The following MTHFD1L variants were observed in gnomAD, a reference collection of about 807,000 sequenced individuals.
The protein encoded by MTHFD1L is methylenetetrahydrofolate dehydrogenase (NADP+ dependent) 1 like, also known as monofunctional C1-tetrahydrofolate synthase, mitochondrial.
In MTHFD1L, 81 loss-of-function variants were observed where a neutral mutation model predicts 119.5. That is an observed-to-expected ratio of 0.68 (90% CI 0.57 to 0.82). The LOEUF (loss-of-function observed/expected upper bound fraction) is 0.82. MTHFD1L is among the 40% of genes least tolerant of loss of function. The probability of loss-of-function intolerance (pLI) is 0.00; values close to 1 mark genes in which losing one functional copy is unlikely to be tolerated. For missense variants in MTHFD1L, 1,125 were observed against 1,253.4 expected (o/e 0.90, Z 1.55); for synonymous variants, 430 against 475.2 (o/e 0.90, Z 1.24).
At position 150,975,968 on chromosome 6, in the gene MTHFD1L, C is replaced by T. The variant is rs575397229; in HGVS notation, c.2125+3910C>T. On this transcript the variant is annotated intron_variant, in intron 20 of 27. Coordinates refer to ENST00000367321, the MANE Select transcript of MTHFD1L (RefSeq NM_015440.5). ...TAAGGGGGAAGCGGGGACGCCAAGG[C>T]GGGTGGATCACCTGAGGTCAGGTGT... Among the ~76,000 whole-genome samples the T allele has an allele frequency of 3.3e-5, 5 of 152,236 alleles. No homozygotes were observed. The South Asian group carries it at 6.2e-4, about 19-fold the overall frequency.
chr6:151,067,648 G>C (rs529967608), intron 26 of MTHFD1L, among the ~76,000 whole-genome samples: 1 of 152,210 alleles, frequency 6.6e-6, no homozygotes, highest in Non-Finnish European at 1.5e-5. Flanking sequence ...ATCACAATTT[G>C]TGTTACGTTC....
chr6:150,901,073 T>C (rs1293026170), intron 7 of MTHFD1L, among the ~76,000 whole-genome samples: 1 of 151,864 alleles, frequency 6.6e-6, no homozygotes, highest in Admixed American at 6.6e-5. Context: ...AGAAAAGTGA[T>C]GTTTTTCTTA....
intron 26 of MTHFD1L, among the ~76,000 whole-genome samples, chr6:151,081,201 AG>A (rs998728213): frequency 6.6e-6 from 1 of 152,216 alleles, no homozygotes; most frequent in African/African-American, 2.4e-5. Context: ...ATTACGTCAC[AG>A]GGTAGTCCTG....
At chr6:151,055,029 G>A (rs1789660477) in intron 26 of MTHFD1L, 1 of 152,170 alleles carries the variant, frequency 6.6e-6, no homozygotes, top group Non-Finnish European at 1.5e-5. Context: ...ACTTTGAGAG[G>A]CTGAGGCAGG....
chr6:151,024,347 C>A (rs1056173721), intron 24 of MTHFD1L, among the ~76,000 whole-genome samples: 1 of 152,054 alleles, frequency 6.6e-6, no homozygotes, highest in Non-Finnish European at 1.5e-5. Context: ...CAAGACTAAC[C>A]TGGGTGACAT....
chr6:151,090,977 C>A (rs1399335805), intron 26 of MTHFD1L, among the ~76,000 whole-genome samples: 1 of 101,108 alleles, frequency 9.9e-6, no homozygotes, highest in East Asian at 3.8e-4. Context: ...TCGCCCCATG[C>A]GACTGGGTGC....
intron 24 of MTHFD1L, among the ~76,000 whole-genome samples, chr6:151,019,129 G>A (rs1783572184): frequency 6.6e-6 from 1 of 151,260 alleles, no homozygotes; most frequent in Admixed American, 6.6e-5. Context: ...GGCTTGCCAG[G>A]GTACCTACAA....
intron 27 of MTHFD1L, chr6:151,099,595 C>T: frequency 1.2e-6 from 2 of 1,609,736 alleles, no homozygotes; most frequent in Non-Finnish European, 8.5e-7. Context: ...CATCCGGCAC[C>T]AGTCAGACCA....
At chr6:151,090,913 A>T (rs35458044) in intron 26 of MTHFD1L, among the ~76,000 whole-genome samples, 1 of 110,586 alleles carries the variant, frequency 9.0e-6, no homozygotes, top group Non-Finnish European at 2.0e-5. Context: ...GACTGGGTGC[A>T]GCATCGTTCC....
intron 20 of MTHFD1L, among the ~76,000 whole-genome samples, chr6:150,983,825 A>G (rs554089597): frequency 2.0e-5 from 3 of 152,146 alleles, no homozygotes; most frequent in East Asian, 1.9e-4. Context: ...GTCTCGTTCT[A>G]TCCCCCAGGC....
At chr6:150,953,475 A>T (rs1158801646) in intron 16 of MTHFD1L, among the ~76,000 whole-genome samples, 2 of 152,238 alleles carry the variant, frequency 1.3e-5, no homozygotes, top group African/African-American at 4.8e-5. Context: ...ACTAGGCACA[A>T]GTAGCCCCTC....
chr6:151,015,107 T>C, intron 23 of MTHFD1L, 127 bp downstream of exon 23: 3 of 714,606 alleles, frequency 4.2e-6, no homozygotes, highest in Non-Finnish European at 6.6e-6. Context: ...CCCAGTTCTT[T>C]CTGTTTGTTT....
At chr6:151,090,373 A>G (rs770047587) in intron 26 of MTHFD1L, among the ~76,000 whole-genome samples, 38 of 152,200 alleles carry the variant, frequency 2.5e-4, no homozygotes, top group Non-Finnish European at 5.4e-4. Context: ...CTGAGGCCAC[A>G]TTGTGCAGTT....
intron 26 of MTHFD1L, among the ~76,000 whole-genome samples, chr6:151,068,965 C>G (rs1216586722): frequency 2.0e-5 from 3 of 152,160 alleles, no homozygotes; most frequent in Non-Finnish European, 1.5e-5. Context: ...TTTCTGTAGA[C>G]TAGTGCCAGT....
At chr6:150,894,097 C>G (rs1783813497) in intron 7 of MTHFD1L, among the ~76,000 whole-genome samples, 1 of 152,092 alleles carries the variant, frequency 6.6e-6, no homozygotes, top group Admixed American at 6.6e-5. Flanking sequence ...CAAAAATTAG[C>G]CAGGCGTGGT....
intron 7 of MTHFD1L, among the ~76,000 whole-genome samples, chr6:150,896,954 AT>A (rs1187217668): frequency 6.6e-6 from 1 of 150,722 alleles, no homozygotes; most frequent in African/African-American, 2.4e-5. Flanking sequence ...AAAAAAAAAA[AT>A]ACAAAAACAA....
intron 18 of MTHFD1L, among the ~76,000 whole-genome samples, chr6:150,961,406 C>T (rs572008232): frequency 1.3e-5 from 2 of 152,272 alleles, no homozygotes; most frequent in African/African-American, 4.8e-5. Context: ...TTCCAGTTAA[C>T]TTAAACTCCA....
intron 7 of MTHFD1L, among the ~76,000 whole-genome samples, chr6:150,891,809 A>G (rs1783332228): frequency 6.6e-6 from 1 of 152,194 alleles, no homozygotes; most frequent in African/African-American, 2.4e-5. Flanking sequence ...ATGATGGTAC[A>G]GCTCACAGAT....
chr6:150,959,118 A>G, intron 17 of MTHFD1L: 1 of 867,700 alleles, frequency 1.2e-6, no homozygotes, highest in Non-Finnish European at 1.4e-6. Context: ...AGTTATATTG[A>G]GAATGTAATA....
Sources: gnomAD v4.1 joint callset for allele counts (sites outside exome capture counted in the v4.1 genomes callset) on GRCh38, gnomAD v4.1.1 for gene constraint, MANE v1.5 for transcripts, NCBI Gene and HGNC (gene_info 2026-07-23, HGNC 2026-07-21) for gene names.